TBC1D12: variants seen among roughly 807,000 people sequenced by gnomAD.
TBC1D12 encodes TBC1 domain family member 12.
A neutral mutation model predicts 86.7 loss-of-function variants in TBC1D12; 56 were observed. That is an observed-to-expected ratio of 0.65 (90% confidence interval 0.52 to 0.81). The LOEUF is 0.81. TBC1D12 is among the 30% of genes least tolerant of loss of function. The pLI, the probability that TBC1D12 is intolerant of heterozygous loss-of-function variation, is 0.00. For synonymous variants in TBC1D12, 421 were observed against 411.7 expected, an observed-to-expected ratio of 1.02 and a Z score of -0.27; for missense variants, 1,023 against 1,038.8, an observed-to-expected ratio of 0.98 and a Z score of 0.21.
intron 1 of TBC1D12, among the ~76,000 whole-genome samples, chr10:94,435,596 A>T (rs953164381): frequency 2.6e-5 from 4 of 151,996 alleles, no homozygotes; most frequent in African/African-American, 9.7e-5. Flanking sequence ...CTGTGTGCTA[A>T]TTTTTTGTCA....
chr10:94,451,189 C>T (rs1464618357), intron 2 of TBC1D12, among the ~76,000 whole-genome samples: 1 of 151,988 alleles, frequency 6.6e-6, no homozygotes, highest in Admixed American at 6.6e-5. Context: ...ATTGAATATT[C>T]CCAACACAAA....
chr10:94,425,095 G>A (rs1175443389), intron 1 of TBC1D12, among the ~76,000 whole-genome samples: 1 of 152,142 alleles, frequency 6.6e-6, no homozygotes, highest in African/African-American at 2.4e-5. Context: ...AAATTATAGG[G>A]AATCACTGCA....
At chr10:94,440,435 C>A (rs893976999) in intron 1 of TBC1D12, among the ~76,000 whole-genome samples, 1 of 152,082 alleles carries the variant, frequency 6.6e-6, no homozygotes, top group Non-Finnish European at 1.5e-5. Flanking sequence ...CTTTGGCCTC[C>A]CAGTGTTGGG....
At chr10:94,505,471 T>C (rs1202933843) in intron 6 of TBC1D12, among the ~76,000 whole-genome samples, 1 of 152,038 alleles carries the variant, frequency 6.6e-6, no homozygotes, top group Non-Finnish European at 1.5e-5. Flanking sequence ...TCCCAGCTAC[T>C]CAGAAGGCTG....
intron 6 of TBC1D12, among the ~76,000 whole-genome samples, chr10:94,505,105 CT>C (rs895976143): frequency 1.3e-5 from 2 of 151,742 alleles, no homozygotes; most frequent in South Asian, 2.1e-4. Context: ...GGTGAGCCCC[CT>C]TTTTTTTAGA....
chr10:94,408,370 C>T (rs1161453996), intron 1 of TBC1D12, among the ~76,000 whole-genome samples: 5 of 152,082 alleles, frequency 3.3e-5, no homozygotes, highest in Admixed American at 6.6e-5. Flanking sequence ...AATATTGTGG[C>T]AAAAGCTATT....
At chr10:94,443,534 T>C (rs1221957530) in intron 2 of TBC1D12, among the ~76,000 whole-genome samples, 7 of 152,254 alleles carry the variant, frequency 4.6e-5, no homozygotes, top group African/African-American at 1.7e-4. Context: ...CCAAGCCATG[T>C]GCTCAGACAC....
chr10:94,497,174 T>A lies in TBC1D12; in HGVS notation c.1412+2T>A. 6.7e-7 allele frequency: 1 copy of A among 1,501,796 alleles called. No homozygotes were observed. The highest frequency in any genetic ancestry group is 1.3e-5 in the South Asian group (1 of 75,352). The allele number at this position is 1,501,796 out of a possible 1,614,324, so 93.0% of individuals were successfully genotyped here. ...AATACTGCCCAATTGGGAAGTAATG[T>A]AAGTAAGCAGACTTTTCCTAAATTC... On this transcript the variant is annotated splice_donor_variant, in intron 5 of 12. Transcript: ENST00000225235. LOFTEE classifies it high-confidence loss of function.
chr10:94,513,022 G>A (rs181108707), intron 9 of TBC1D12, among the ~76,000 whole-genome samples: 1,559 of 152,182 alleles, frequency 0.01, 14 homozygotes, highest in Non-Finnish European at 0.013. Context: ...GCCTAGGCGG[G>A]CAGATTCCAT....
intron 1 of TBC1D12, among the ~76,000 whole-genome samples, chr10:94,435,953 T>C (rs1252787836): frequency 2.6e-5 from 4 of 152,208 alleles, no homozygotes; most frequent in Non-Finnish European, 5.9e-5. Flanking sequence ...CAGTGCCACC[T>C]GTGTTTCCAT....
At chr10:94,421,863 A>G (rs2055078423) in intron 1 of TBC1D12, among the ~76,000 whole-genome samples, 1 of 152,154 alleles carries the variant, frequency 6.6e-6, no homozygotes, top group South Asian at 2.1e-4. Flanking sequence ...TTTGCCTAAT[A>G]TTAATTGGGC....
Position 94,484,324 on chromosome 10 carries a change from C to T in TBC1D12, c.1212-9041C>T, listed in dbSNP as rs955254647. On this transcript the variant is annotated intron_variant, in intron 3 of 12. Transcript: ENST00000225235. The stretch of plus-strand genomic sequence containing the variant: ...TGCAGTGGCATGATCTCCGGCTCAC[C>T]GCAACCTCCACCTCCTGGGTTCAAG... 5.3e-5 allele frequency among the ~76,000 whole-genome samples: 8 copies of T among 151,510 alleles called. 1 individual carries two copies. In the South Asian group the frequency reaches 1.3e-3, roughly 24 times the overall value.
chr10:94,409,561 A>G (rs1315903796), intron 1 of TBC1D12, among the ~76,000 whole-genome samples: 1 of 151,816 alleles, frequency 6.6e-6, no homozygotes, highest in Non-Finnish European at 1.5e-5. Flanking sequence ...TTTTTTATAG[A>G]GACAGGGTTT....
chr10:94,510,296 G>A (rs933189325), intron 8 of TBC1D12, 117 bp downstream of exon 8: 1 of 617,338 alleles, frequency 1.6e-6, no homozygotes, highest in East Asian at 3.2e-5. Context: ...AGAAATTGGG[G>A]ACCCTGTATA....
At chr10:94,500,104 C>T in intron 5 of TBC1D12, 117 bp from the exon 6 acceptor site, 2 of 892,496 alleles carry the variant, frequency 2.2e-6, no homozygotes, top group South Asian at 1.8e-5. Flanking sequence ...ACTTAATTCT[C>T]TATAGTCCTA....
At chr10:94,532,937 C>T (rs1842468139) in intron 12 of TBC1D12, 91 bp from the exon 13 acceptor site, 15 of 733,066 alleles carry the variant, frequency 2.0e-5, no homozygotes, top group Middle Eastern at 7.6e-4. Context: ...TATAATAAAG[C>T]TTTTTCATGT....
chr10:94,505,177 T>A (rs1020471274), intron 6 of TBC1D12, among the ~76,000 whole-genome samples: 5 of 152,286 alleles, frequency 3.3e-5, no homozygotes, highest in African/African-American at 9.6e-5. Flanking sequence ...TTGAATTTTT[T>A]AAAAAAACTT....
chr10:94,493,467 A>G lies in TBC1D12; in HGVS notation c.1294+20A>G. Reference sequence around the variant, plus strand: ...AACGAGGTATAAAATTTAACTCCAAATGGTATAATTTTCTGATTTTAATAA... The same window carrying G: ...AACGAGGTATAAAATTTAACTCCAAGTGGTATAATTTTCTGATTTTAATAA... On this transcript the variant is annotated intron_variant, in intron 4 of 12. Transcript: ENST00000225235. 6.4e-7 allele frequency: 1 copy of G among 1,556,814 alleles called. No individual in the cohort carries two copies. The highest frequency in any genetic ancestry group is 8.8e-7 in the Non-Finnish European group (1 of 1,135,488).
Position 94,488,682 on chromosome 10 carries a change from G to A in TBC1D12, c.1212-4683G>A, listed in dbSNP as rs865782026. ...GCTGGGATTACAGGTGTGAGCTACC[G>A]GTCCGGCCTCCAAGGGGTCTTTAGT... On this transcript the variant is annotated intron_variant, in intron 3 of 12. Coordinates refer to ENST00000225235, the MANE Select transcript of TBC1D12 (RefSeq NM_015188.2). Among the ~76,000 whole-genome samples, 13 of 151,438 alleles carry A rather than the reference G, an allele frequency of 8.6e-5. No individual in the cohort carries two copies. The South Asian group carries it at 2.1e-3, about 24-fold the overall frequency.
Sources: gnomAD v4.1 joint callset for allele counts (sites outside exome capture counted in the v4.1 genomes callset) on GRCh38, gnomAD v4.1.1 for gene constraint, MANE v1.5 for transcripts, NCBI Gene and HGNC (gene_info 2026-07-23, HGNC 2026-07-21) for gene names.